The following DNAJC1 variants were observed in gnomAD, a reference collection of about 807,000 sequenced individuals.
The protein encoded by DNAJC1 is DnaJ heat shock protein family (Hsp40) member C1, also known as dnaJ homolog subfamily C member 1.
DNAJC1 carries 58 observed loss-of-function variants against 76.6 expected under a neutral mutation model. The ratio of observed to expected loss-of-function variants is 0.76; its 90% CI spans 0.61 to 0.94. The LOEUF is 0.94. Ranked by LOEUF, DNAJC1 falls within the 40% of genes least tolerant of loss-of-function variation. The pLI is 0.00. For missense variants in DNAJC1, 689 were observed against 677.3 expected, an observed-to-expected ratio of 1.02 and a Z score of -0.19; for synonymous variants, 258 against 267.9, an observed-to-expected ratio of 0.96 and a Z score of 0.36.
chr10:21,923,117 T>C (rs888231081), intron 3 of DNAJC1, among the ~76,000 whole-genome samples: 2 of 152,042 alleles, frequency 1.3e-5, no homozygotes, highest in East Asian at 1.9e-4. Flanking sequence ...CAAAATCTCA[T>C]GCACTGAACA....
chr10:21,786,993 A>G (rs994114832), intron 9 of DNAJC1, among the ~76,000 whole-genome samples: 20 of 152,156 alleles, frequency 1.3e-4, no homozygotes, highest in African/African-American at 4.3e-4. Flanking sequence ...AATGGGATAT[A>G]TTCCTAGAAA....
intron 7 of DNAJC1, among the ~76,000 whole-genome samples, chr10:21,895,645 G>C (rs1383921671): frequency 1.3e-5 from 2 of 152,182 alleles, no homozygotes; most frequent in Admixed American, 1.3e-4. Context: ...GAGGGAGAAT[G>C]CCAAGGGTGT....
chr10:21,902,272 A>G (rs1325016591), intron 7 of DNAJC1, among the ~76,000 whole-genome samples: 2 of 152,192 alleles, frequency 1.3e-5, no homozygotes, highest in Admixed American at 6.5e-5. Flanking sequence ...AGATATTTAT[A>G]TGTTTTTTAG....
intron 1 of DNAJC1, among the ~76,000 whole-genome samples, chr10:22,001,155 G>T (rs1838512953): frequency 6.6e-6 from 1 of 152,166 alleles, no homozygotes; most frequent in Non-Finnish European, 1.5e-5. Flanking sequence ...AATCTCTGTT[G>T]CGTGAACAAG....
intron 8 of DNAJC1, among the ~76,000 whole-genome samples, chr10:21,836,852 G>C (rs925316050): frequency 3.3e-5 from 5 of 152,124 alleles, no homozygotes; most frequent in Non-Finnish European, 5.9e-5. Flanking sequence ...CCTACAAAGA[G>C]ACTTAGACTC....
intron 8 of DNAJC1, among the ~76,000 whole-genome samples, chr10:21,827,524 C>A (rs1389434666): frequency 6.6e-6 from 1 of 152,154 alleles, no homozygotes; most frequent in Non-Finnish European, 1.5e-5. Flanking sequence ...CTTTTGGAGG[C>A]TCTGAGGGAG....
intron 1 of DNAJC1, among the ~76,000 whole-genome samples, chr10:21,942,821 A>AG (rs1165004126): frequency 4.0e-5 from 6 of 150,546 alleles, no homozygotes; most frequent in Admixed American, 1.3e-4. Flanking sequence ...AAAAAAAAAA[A>AG]AAAGAAAGAA....
chr10:21,875,537 G>T (rs1335406166), intron 8 of DNAJC1, among the ~76,000 whole-genome samples: 2 of 152,170 alleles, frequency 1.3e-5, no homozygotes, highest in Admixed American at 1.3e-4. Flanking sequence ...ATGAAACAAG[G>T]ATACTTGTTA....
chr10:21,853,808 A>AT (rs1432087946), intron 8 of DNAJC1, among the ~76,000 whole-genome samples: 7 of 150,804 alleles, frequency 4.6e-5, no homozygotes, highest in Non-Finnish European at 1.0e-4. Flanking sequence ...AAAAAAAAAA[A>AT]AAAAAAAAGA....
intron 9 of DNAJC1, among the ~76,000 whole-genome samples, chr10:21,792,323 C>G (rs1008837961): frequency 6.6e-6 from 1 of 152,138 alleles, no homozygotes; most frequent in African/African-American, 2.4e-5. Flanking sequence ...CACAAACTTT[C>G]AGAAATTAGG....
At chr10:21,890,691 A>G (rs1340061225) in intron 7 of DNAJC1, among the ~76,000 whole-genome samples, 1 of 152,152 alleles carries the variant, frequency 6.6e-6, no homozygotes, top group African/African-American at 2.4e-5. Context: ...AATTCTACCT[A>G]GCAGTAACAG....
chr10:21,928,604 C>T (rs1837167434), intron 2 of DNAJC1, 52 bp from the exon 3 acceptor site: 1 of 1,467,752 alleles, frequency 6.8e-7, no homozygotes, highest in Non-Finnish European at 9.5e-7. Context: ...TATAAGAAAT[C>T]ACATAGGAGG....
intron 6 of DNAJC1, 134 bp downstream of exon 6, chr10:21,918,645 T>C (rs1017667989): frequency 1.5e-5 from 9 of 605,486 alleles, no homozygotes; most frequent in South Asian, 4.6e-5. Context: ...GTTTAACTTA[T>C]AAAAATCCTA....
intron 8 of DNAJC1, among the ~76,000 whole-genome samples, chr10:21,817,483 G>A (rs145800243): frequency 1.3e-5 from 2 of 151,174 alleles, no homozygotes; most frequent in Non-Finnish European, 1.5e-5. Context: ...TAAAAGTTAC[G>A]TTCTGTCTTG....
At chr10:21,930,057 C>T (rs1275938649) in intron 1 of DNAJC1, among the ~76,000 whole-genome samples, 1 of 152,208 alleles carries the variant, frequency 6.6e-6, no homozygotes, top group Non-Finnish European at 1.5e-5. Flanking sequence ...CTCACTGCAA[C>T]CTCCACCTCC....
At chr10:21,778,360 T>A (rs564268306) in intron 9 of DNAJC1, among the ~76,000 whole-genome samples, 3 of 152,278 alleles carry the variant, frequency 2.0e-5, no homozygotes, top group South Asian at 2.1e-4. Flanking sequence ...AACAAAAGGA[T>A]TGCATTCATG....
chr10:21,969,288 C>G (rs893316508), intron 1 of DNAJC1, among the ~76,000 whole-genome samples: 1 of 150,190 alleles, frequency 6.7e-6, no homozygotes, highest in Non-Finnish European at 1.5e-5. Flanking sequence ...TCCTTTAACT[C>G]CTAAAATCCA....
At chr10:21,933,596 A>C (rs554199939) in intron 1 of DNAJC1, among the ~76,000 whole-genome samples, 1 of 151,702 alleles carries the variant, frequency 6.6e-6, no homozygotes, top group Non-Finnish European at 1.5e-5. Flanking sequence ...AAACTGCCCA[A>C]CTGAGTGTGG....
chr10:21,851,777 G>A (rs558777006), intron 8 of DNAJC1, among the ~76,000 whole-genome samples: 122 of 152,112 alleles, frequency 8.0e-4, no homozygotes, highest in South Asian at 6.4e-3. Context: ...AGATACGGCC[G>A]GGCGCAGTGG....
Sources: allele counts gnomAD v4.1 joint callset (sites outside exome capture counted in the v4.1 genomes callset), GRCh38; gene constraint gnomAD v4.1.1; transcripts MANE v1.5; gene names NCBI Gene and HGNC (gene_info 2026-07-23, HGNC 2026-07-21).